The following FRMD6 variants were observed in gnomAD, a reference collection of about 807,000 sequenced individuals.
The protein encoded by FRMD6 is FERM domain containing 6, also known as FERM domain-containing protein 6.
In FRMD6, 37 loss-of-function variants were observed where a neutral mutation model predicts 73.2. The observed-to-expected ratio is 0.51, with a 90% CI of 0.39 to 0.66. The LOEUF (loss-of-function observed/expected upper bound fraction) is 0.66, where lower values mean the gene tolerates loss of function less well. Among genes scored for constraint, FRMD6 ranks in the 30% least tolerant of loss-of-function variants. The pLI is 0.00. For synonymous variants in FRMD6, 273 were observed against 282.2 expected (o/e 0.97, Z 0.33); for missense variants, 714 against 780.5 (o/e 0.91, Z 1.02).
At chr14:51,628,946 G>C (rs1295619098) in intron 2 of FRMD6, among the ~76,000 whole-genome samples, 5 of 128,032 alleles carry the variant, frequency 3.9e-5, no homozygotes, top group Non-Finnish European at 6.2e-5. Context: ...ACGCAATCTC[G>C]GCTCACTGCA....
At chr14:51,587,454 C>T (rs539368347) in intron 2 of FRMD6, among the ~76,000 whole-genome samples, 56 of 152,234 alleles carry the variant, frequency 3.7e-4, no homozygotes, top group Middle Eastern at 6.8e-3. Context: ...GTGGCTGGTG[C>T]GAAATTGACC....
At chr14:51,459,671 CA>C in the FRMD6 span, among the ~76,000 whole-genome samples, 1 of 151,536 alleles carries the variant, frequency 6.6e-6, no homozygotes, top group African/African-American at 2.4e-5. Flanking sequence ...ACTAAAAATA[CA>C]AAAAAATAGC....
the FRMD6 span, among the ~76,000 whole-genome samples, chr14:51,465,052 G>A: frequency 2.6e-5 from 4 of 152,010 alleles, no homozygotes; most frequent in Non-Finnish European, 5.9e-5. Context: ...TAAAAGAATG[G>A]CTCTTAATAT....
the FRMD6 span, among the ~76,000 whole-genome samples, chr14:51,425,775 C>T: frequency 6.6e-6 from 1 of 152,226 alleles, no homozygotes; most frequent in Non-Finnish European, 1.5e-5. Flanking sequence ...CCTCTCCTGT[C>T]ACTCTGTGAA....
the FRMD6 span, chr14:51,436,769 G>T: frequency 1.8e-6 from 1 of 543,320 alleles, no homozygotes; most frequent in African/African-American, 1.9e-5. Flanking sequence ...AGGAGAAGGA[G>T]AAGATGATGA....
At chr14:51,415,658 C>T in the FRMD6 span, among the ~76,000 whole-genome samples, 1 of 152,132 alleles carries the variant, frequency 6.6e-6, no homozygotes, top group African/African-American at 2.4e-5. Flanking sequence ...CAGGATGATG[C>T]TGGCCTCATA....
At chr14:51,476,793 G>A in the FRMD6 span, among the ~76,000 whole-genome samples, 1 of 152,178 alleles carries the variant, frequency 6.6e-6, no homozygotes, top group East Asian at 1.9e-4. Context: ...GGAGTCAGGG[G>A]CCATCAGGAG....
intron 2 of FRMD6, among the ~76,000 whole-genome samples, chr14:51,588,266 T>C (rs1889170804): frequency 6.6e-6 from 1 of 152,158 alleles, no homozygotes; most frequent in South Asian, 2.1e-4. Flanking sequence ...CTTTGTTTTT[T>C]GGTTTTTTTA....
rs537594626 is a variant in FRMD6 at position 51,717,984 on chromosome 14, C to T, written c.1025-2071C>T. Among the ~76,000 whole-genome samples the T allele has an allele frequency of 5.3e-5, 8 of 152,224 alleles. No individual in the cohort carries two copies. In the South Asian group the frequency reaches 1.5e-3, roughly 28 times the overall value. On this transcript the variant is annotated intron_variant, in intron 10 of 13. Coordinates refer to ENST00000344768, the MANE Select transcript of FRMD6 (RefSeq NM_001267046.2). ...TTTACTGCATTATTTTCCAAAGTAG[C>T]GTATGAAAAACCTCATTGTCTCTGG...
At chr14:51,507,208 C>CTTCTGGTTCCCATT (rs1347514611) in intron 1 of FRMD6, among the ~76,000 whole-genome samples, 17 of 151,970 alleles carry the variant, frequency 1.1e-4, no homozygotes, top group Non-Finnish European at 2.9e-5. Context: ...CTAACCCTGA[C>CTTCTGGTTCCCATT]TTCTGGTTCC....
At chr14:51,683,813 A>G (rs1002078062) in intron 1 of FRMD6, among the ~76,000 whole-genome samples, 4 of 152,184 alleles carry the variant, frequency 2.6e-5, no homozygotes, top group Non-Finnish European at 4.4e-5. Flanking sequence ...AGAAAGGGTT[A>G]TTTAACCCTT....
At chr14:51,416,458 C>G in the FRMD6 span, among the ~76,000 whole-genome samples, 1 of 152,080 alleles carries the variant, frequency 6.6e-6, no homozygotes, top group Non-Finnish European at 1.5e-5. Context: ...TGTAGTTGTG[C>G]GGTTTTGAGT....
chr14:51,538,241 A>G (rs912637540), intron 1 of FRMD6, among the ~76,000 whole-genome samples: 2 of 152,104 alleles, frequency 1.3e-5, no homozygotes, highest in African/African-American at 4.8e-5. Context: ...TGTACATTTT[A>G]AAATTGGGTT....
chr14:51,605,098 T>C (rs1246172349), intron 2 of FRMD6, among the ~76,000 whole-genome samples: 4 of 151,404 alleles, frequency 2.6e-5, no homozygotes, highest in African/African-American at 9.7e-5. Flanking sequence ...ATTTGTTACA[T>C]AGTCATTACT....
rs1473574695 is a variant in FRMD6 at position 51,728,651 on chromosome 14, CTG to C, written c.*625_*626del. On this transcript the variant is annotated 3_prime_UTR_variant, in exon 14 of 14. Transcript: ENST00000344768. ...AAACCAGAAGTGCATGCTGTGATGC[CTG>C]TGACTCCTTCATCCCGCTCAGTGCC... 6 of 153,412 alleles carry C rather than the reference CTG, an allele frequency of 3.9e-5. No individual in the cohort carries two copies. The highest frequency in any genetic ancestry group is 1.4e-4 in the African/African-American group (6 of 41,414). The allele number at this position is 153,412 out of a possible 1,614,324, so 9.5% of individuals were successfully genotyped here.
At chr14:51,712,636 A>G in intron 9 of FRMD6, 85 bp downstream of exon 9, 1 of 853,504 alleles carries the variant, frequency 1.2e-6, no homozygotes, top group Admixed American at 2.1e-5. Flanking sequence ...TTTTGTTTTT[A>G]AACAATATTG....
intron 1 of FRMD6, among the ~76,000 whole-genome samples, chr14:51,529,577 T>A (rs1205850338): frequency 6.6e-6 from 1 of 152,172 alleles, no homozygotes; most frequent in Admixed American, 6.5e-5. Flanking sequence ...CCAGTAGCAA[T>A]CATTTCACCC....
intron 2 of FRMD6, among the ~76,000 whole-genome samples, chr14:51,579,457 C>T (rs907789836): frequency 2.6e-5 from 4 of 152,142 alleles, no homozygotes; most frequent in African/African-American, 4.8e-5. Context: ...TCACTTGACA[C>T]CCCCTCATAT....
intron 2 of FRMD6, among the ~76,000 whole-genome samples, chr14:51,623,241 G>A (rs1344720086): frequency 1.3e-5 from 2 of 152,108 alleles, no homozygotes; most frequent in Non-Finnish European, 2.9e-5. Context: ...AAATAATCTT[G>A]GTGGAATTCT....
Sources: allele counts gnomAD v4.1 joint callset (sites outside exome capture counted in the v4.1 genomes callset), GRCh38; gene constraint gnomAD v4.1.1; transcripts MANE v1.5; gene names NCBI Gene and HGNC (gene_info 2026-07-23, HGNC 2026-07-21).